The following YIPF7 variants were observed in gnomAD, a reference collection of about 807,000 sequenced individuals.
YIPF7 encodes the protein protein YIPF7.
A neutral mutation model predicts 27.2 loss-of-function variants in YIPF7; 35 were observed. That is an observed-to-expected ratio of 1.29 (90% confidence interval 0.98 to 1.70). The LOEUF (loss-of-function observed/expected upper bound fraction) is 1.70, where lower values mean the gene tolerates loss of function less well. YIPF7 is among the 40% of genes most tolerant of loss of function. YIPF7 has a pLI of 0.00. For missense variants in YIPF7, 358 were observed against 303.7 expected, an observed-to-expected ratio of 1.18 and a Z score of -1.33; for synonymous variants, 137 against 110.4, an observed-to-expected ratio of 1.24 and a Z score of -1.51.
chr4:44,648,155 CTG>C (rs552328629), intron 2 of YIPF7, among the ~76,000 whole-genome samples: 357 of 152,166 alleles, frequency 2.3e-3, no homozygotes, highest in South Asian at 0.012. Flanking sequence ...CTCTGTGTGT[CTG>C]TCTTCTCATG....
chr4:44,641,175 G>A (rs1035986915), intron 2 of YIPF7, among the ~76,000 whole-genome samples: 1 of 152,108 alleles, frequency 6.6e-6, no homozygotes, highest in African/African-American at 2.4e-5. Context: ...TCTTGGCCAT[G>A]TATGCTGCCT....
chr4:44,635,793 A>G, intron 3 of YIPF7, 129 bp downstream of exon 3: 1 of 1,126,528 alleles, frequency 8.9e-7, no homozygotes. Flanking sequence ...GGTTCAGCAA[A>G]CTCTTGTTAT....
At chr4:44,626,883 C>T (rs1712665805) in intron 4 of YIPF7, among the ~76,000 whole-genome samples, 1 of 146,222 alleles carries the variant, frequency 6.8e-6, no homozygotes, top group African/African-American at 2.5e-5. Context: ...TCATTCCATT[C>T]TCCTGCTTCA....
chr4:44,630,285 A>G (rs1010804954), intron 3 of YIPF7, among the ~76,000 whole-genome samples: 1 of 152,072 alleles, frequency 6.6e-6, no homozygotes, highest in Non-Finnish European at 1.5e-5. Context: ...TGTATTTTCA[A>G]TTGCTGACAC....
intron 1 of YIPF7, among the ~76,000 whole-genome samples, chr4:44,651,238 T>G (rs1713729913): frequency 6.6e-6 from 1 of 152,202 alleles, no homozygotes; most frequent in Non-Finnish European, 1.5e-5. Flanking sequence ...GATTCATACA[T>G]CTGATGCAAT....
intron 4 of YIPF7, among the ~76,000 whole-genome samples, chr4:44,625,842 A>AT (rs1401278125): frequency 2.0e-5 from 3 of 152,132 alleles, no homozygotes; most frequent in Non-Finnish European, 2.9e-5. Flanking sequence ...AAATTCATTA[A>AT]TTTTTTATAT....
chr4:44,627,708 C>T (rs1251986241), intron 4 of YIPF7, among the ~76,000 whole-genome samples: 1 of 152,056 alleles, frequency 6.6e-6, no homozygotes, highest in African/African-American at 2.4e-5. Context: ...CACATATTCT[C>T]CACAATTTTA....
intron 2 of YIPF7, among the ~76,000 whole-genome samples, chr4:44,642,693 C>T (rs1354575252): frequency 1.3e-5 from 2 of 152,176 alleles, no homozygotes; most frequent in East Asian, 3.9e-4. Flanking sequence ...TAGGGCTGTT[C>T]TCATGATAGA....
At chr4:44,637,981 G>C (rs1288563837) in intron 2 of YIPF7, among the ~76,000 whole-genome samples, 1 of 151,908 alleles carries the variant, frequency 6.6e-6, no homozygotes, top group Non-Finnish European at 1.5e-5. Context: ...AATCCACAAG[G>C]AACTCAAACA....
intron 4 of YIPF7, among the ~76,000 whole-genome samples, chr4:44,627,635 C>T (rs542778282): frequency 6.6e-6 from 1 of 152,232 alleles, no homozygotes; most frequent in Admixed American, 6.5e-5. Context: ...GAAGTTATCA[C>T]ATCTAATGGT....
Position 44,632,873 on chromosome 4 carries a change from T to C in YIPF7, c.280+3049A>G, listed in dbSNP as rs369248649. The stretch of plus-strand genomic sequence containing the variant: ...AAATTATATTAGGTACTCTATCTTC[T>C]AATACAGGTGTCCCCAATCCCCGGG... On this transcript the variant is annotated intron_variant, in intron 3 of 5. Coordinates refer to ENST00000415895, the MANE Select transcript of YIPF7 (RefSeq NM_182592.3). Among the ~76,000 whole-genome samples, 5 of 152,304 alleles carry C rather than the reference T, an allele frequency of 3.3e-5. No homozygotes were observed. The East Asian group carries it at 9.7e-4, about 29-fold the overall frequency.
At chr4:44,647,326 G>A (rs1035866401) in intron 2 of YIPF7, among the ~76,000 whole-genome samples, 1 of 152,048 alleles carries the variant, frequency 6.6e-6, no homozygotes, top group Non-Finnish European at 1.5e-5. Context: ...CCTTGCTTAG[G>A]GAGAAAGTTT....
intron 2 of YIPF7, among the ~76,000 whole-genome samples, chr4:44,637,590 T>A (rs967596097): frequency 5.9e-5 from 9 of 152,140 alleles, no homozygotes. Context: ...TTTTCTTTTT[T>A]AAAAAAATTT....
intron 1 of YIPF7, chr4:44,660,742 T>C (rs1331565649): frequency 6.6e-6 from 1 of 152,156 alleles, no homozygotes; most frequent in East Asian, 1.9e-4. Flanking sequence ...AAATGTTACA[T>C]TGCATCTGAG....
At chr4:44,635,861 T>G in intron 3 of YIPF7, 61 bp downstream of exon 3, 1 of 1,558,626 alleles carries the variant, frequency 6.4e-7, no homozygotes, top group Non-Finnish European at 8.8e-7. Flanking sequence ...ACACATTAAG[T>G]GCTAATTATT....
chr4:44,647,108 C>A (rs976573981), intron 2 of YIPF7, among the ~76,000 whole-genome samples: 1 of 152,138 alleles, frequency 6.6e-6, no homozygotes, highest in Non-Finnish European at 1.5e-5. Context: ...TTAAATGTTG[C>A]TGCATCCAAA....
chr4:44,629,176 C>T, intron 4 of YIPF7: 1 of 395,402 alleles, frequency 2.5e-6, no homozygotes, highest in Non-Finnish European at 4.3e-6. Context: ...TGATCTCCTG[C>T]TTTGATCTGC....
In YIPF7 at chr4:44,640,705, C is replaced by T. The variant is rs138796714; in HGVS notation, c.117-4620G>A. Among the ~76,000 whole-genome samples the T allele has an allele frequency of 1.6e-4, 24 of 152,284 alleles. No homozygotes were observed. The East Asian group carries it at 2.3e-3, about 15-fold the overall frequency. On this transcript the variant is annotated intron_variant, in intron 2 of 5. Transcript: ENST00000415895. ...AGTCTCCACTTAGCTCAACACTAAG[C>T]CTTCATGGCAACTCTCATCCTGCTC...
chr4:44,644,568 A>G (rs1166889011), intron 2 of YIPF7, among the ~76,000 whole-genome samples: 2 of 152,032 alleles, frequency 1.3e-5, no homozygotes, highest in Admixed American at 6.6e-5. Flanking sequence ...TGTAACTTGG[A>G]AGTTACTAAT....
Sources: allele counts gnomAD v4.1 joint callset (sites outside exome capture counted in the v4.1 genomes callset), GRCh38; gene constraint gnomAD v4.1.1; transcripts MANE v1.5; gene names NCBI Gene and HGNC (gene_info 2026-07-23, HGNC 2026-07-21).